TENM4: variants seen among roughly 807,000 people sequenced by gnomAD.
TENM4 encodes teneurin-4.
TENM4 carries 82 observed loss-of-function variants against 243.3 expected under a neutral mutation model. The observed-to-expected ratio is 0.34, with a 90% CI of 0.28 to 0.40. The LOEUF (loss-of-function observed/expected upper bound fraction) is 0.40, where lower values mean the gene tolerates loss of function less well. Among genes scored for constraint, TENM4 ranks in the 10% least tolerant of loss-of-function variants. TENM4 has a pLI of 1.00. For missense variants in TENM4, 3,138 were observed against 3,673.3 expected, an observed-to-expected ratio of 0.85 and a Z score of 3.77; for synonymous variants, 1,412 against 1,456.3, an observed-to-expected ratio of 0.97 and a Z score of 0.69.
intron 2 of TENM4, among the ~76,000 whole-genome samples, chr11:79,283,153 A>T (rs1856186380): frequency 1.3e-5 from 2 of 151,924 alleles, no homozygotes; most frequent in South Asian, 4.1e-4. Flanking sequence ...CTTCCAACTC[A>T]TTCTATGAGA....
intron 20 of TENM4, among the ~76,000 whole-genome samples, chr11:78,736,494 G>A (rs1270966893): frequency 2.6e-5 from 4 of 151,548 alleles, no homozygotes; most frequent in African/African-American, 9.8e-5. Flanking sequence ...GCGCGTGCAT[G>A]TGAGTAGGGG....
chr11:79,122,934 C>G (rs1861772494), intron 4 of TENM4, among the ~76,000 whole-genome samples: 1 of 152,226 alleles, frequency 6.6e-6, no homozygotes, highest in Non-Finnish European at 1.5e-5. Flanking sequence ...ATTTACCCAG[C>G]CTGCATGGTT....
chr11:79,357,509 A>G (rs1312049654), intron 1 of TENM4, among the ~76,000 whole-genome samples: 2 of 152,168 alleles, frequency 1.3e-5, no homozygotes, highest in Non-Finnish European at 2.9e-5. Flanking sequence ...GCCTTAATCC[A>G]ACTATGATGA....
At chr11:79,168,482 T>G (rs1862967363) in intron 3 of TENM4, among the ~76,000 whole-genome samples, 1 of 151,148 alleles carries the variant, frequency 6.6e-6, no homozygotes, top group South Asian at 2.1e-4. Flanking sequence ...GGGCAAAGAG[T>G]GGAACTGTAT....
At chr11:79,337,164 C>T (rs1857161797) in intron 1 of TENM4, among the ~76,000 whole-genome samples, 1 of 152,202 alleles carries the variant, frequency 6.6e-6, no homozygotes, top group Non-Finnish European at 1.5e-5. Flanking sequence ...TTTACCAAAG[C>T]CTTCTGTAAA....
At chr11:79,379,375 G>A (rs543077688) in intron 1 of TENM4, among the ~76,000 whole-genome samples, 14 of 152,168 alleles carry the variant, frequency 9.2e-5, no homozygotes, top group African/African-American at 2.4e-4. Context: ...TGTTATAGCC[G>A]TGTTATCGGA....
chr11:78,779,744 A>G (rs1206678106), intron 16 of TENM4, among the ~76,000 whole-genome samples: 2 of 152,232 alleles, frequency 1.3e-5, no homozygotes, highest in Non-Finnish European at 2.9e-5. Context: ...CTCCAGCCCC[A>G]GCTGAATTTC....
intron 4 of TENM4, chr11:79,097,723 C>G (rs372793506): frequency 1.3e-5 from 2 of 151,826 alleles, no homozygotes; most frequent in Non-Finnish European, 2.9e-5. Context: ...TACGAAACAG[C>G]GAACATGTGA....
rs376151148 is a variant in TENM4 at position 78,957,823 on chromosome 11, C to T, written c.494-54300G>A. ...GATTCATCTCATATAACAGGGGCTTCGTAAAGGTTTGTGAGGTAAAAGGAA... is the reference window on the plus strand; with the variant it reads ...GATTCATCTCATATAACAGGGGCTTTGTAAAGGTTTGTGAGGTAAAAGGAA... On this transcript the variant is annotated intron_variant, in intron 6 of 33. Transcript: ENST00000278550. Among the ~76,000 whole-genome samples, 10 of 152,272 alleles carry T rather than the reference C, an allele frequency of 6.6e-5. No individual in the cohort carries two copies. In the South Asian group the frequency reaches 1.5e-3, roughly 22 times the overall value.
intron 6 of TENM4, among the ~76,000 whole-genome samples, chr11:79,051,138 G>A (rs1439897939): frequency 6.6e-6 from 1 of 152,212 alleles, no homozygotes; most frequent in African/African-American, 2.4e-5. Context: ...TGTAAATCAC[G>A]AAGTGCAATG....
chr11:79,035,854 C>G (rs1195979482), intron 6 of TENM4, among the ~76,000 whole-genome samples: 3 of 152,196 alleles, frequency 2.0e-5, no homozygotes, highest in Admixed American at 2.0e-4. Context: ...TTCCACCTCA[C>G]CCATCCCACT....
intron 1 of TENM4, among the ~76,000 whole-genome samples, chr11:79,403,814 A>AG (rs1184511057): frequency 6.7e-6 from 1 of 149,854 alleles, no homozygotes; most frequent in Non-Finnish European, 1.5e-5. Context: ...CGGGGGGTTG[A>AG]GGGGGGTGGT....
chr11:78,806,277 C>A (rs1185462837), intron 14 of TENM4, among the ~76,000 whole-genome samples: 6 of 152,108 alleles, frequency 3.9e-5, no homozygotes, highest in Non-Finnish European at 5.9e-5. Context: ...CCAGCCTGGG[C>A]AGTGAGCAAG....
chr11:79,264,041 A>C (rs1191981120), intron 2 of TENM4, among the ~76,000 whole-genome samples: 1 of 152,208 alleles, frequency 6.6e-6, no homozygotes, highest in Non-Finnish European at 1.5e-5. Context: ...TATCTTCCTT[A>C]GGTCTTCCAG....
intron 23 of TENM4, among the ~76,000 whole-genome samples, chr11:78,723,846 G>A (rs528135936): frequency 6.6e-6 from 1 of 152,182 alleles, no homozygotes; most frequent in African/African-American, 2.4e-5. Context: ...TTTGTTCAAT[G>A]GATAGCTTTA....
At chr11:79,122,523 G>C (rs10899593) in intron 4 of TENM4, among the ~76,000 whole-genome samples, 37,920 of 152,194 alleles carry the variant, frequency 0.25, 5,034 homozygotes, top group East Asian at 0.34. Flanking sequence ...GGTACAGAGA[G>C]GGGACTGGAT....
intron 28 of TENM4, among the ~76,000 whole-genome samples, chr11:78,695,361 AT>A (rs966256620): frequency 7.9e-5 from 12 of 151,434 alleles, no homozygotes; most frequent in East Asian, 5.8e-4. Context: ...TGAGTGGACA[AT>A]TTTTTTTGTT....
intron 6 of TENM4, among the ~76,000 whole-genome samples, chr11:79,026,596 T>C (rs1242576945): frequency 1.3e-5 from 2 of 152,180 alleles, no homozygotes; most frequent in Middle Eastern, 3.2e-3. Context: ...TTTTAGTGCT[T>C]TTTTGAATAT....
intron 12 of TENM4, among the ~76,000 whole-genome samples, chr11:78,845,509 T>C (rs1050251046): frequency 1.3e-5 from 2 of 152,316 alleles, no homozygotes; most frequent in African/African-American, 4.8e-5. Context: ...TACCCCCAAC[T>C]GTACTCCTGC....
Sources: allele counts gnomAD v4.1 joint callset (sites outside exome capture counted in the v4.1 genomes callset), GRCh38; gene constraint gnomAD v4.1.1; transcripts MANE v1.5; gene names NCBI Gene and HGNC (gene_info 2026-07-23, HGNC 2026-07-21).